The following SLFN12L variants were observed in gnomAD, a reference collection of about 807,000 sequenced individuals.
SLFN12L encodes schlafen family member 12 like, also known as schlafen family member 12-like.
In SLFN12L, 34 loss-of-function variants were observed where a neutral mutation model predicts 34.8. The observed-to-expected ratio is 0.98, with a 90% CI of 0.74 to 1.30. The LOEUF (loss-of-function observed/expected upper bound fraction) is 1.30. Among genes scored for constraint, SLFN12L ranks in the 50% most tolerant of loss-of-function variants. The probability of loss-of-function intolerance (pLI) is 0.00; values close to 1 mark genes in which losing one functional copy is unlikely to be tolerated. For missense variants in SLFN12L, 703 were observed against 696.2 expected (o/e 1.01, Z -0.11); for synonymous variants, 259 against 247.5 (o/e 1.05, Z -0.44).
rs2072396896 is a variant in SLFN12L, at chr17:35,530,509, AAAG to A, written c.-606+7061_-606+7063del. Among the ~76,000 whole-genome samples, 14 of 23,968 alleles carry A rather than the reference AAAG, an allele frequency of 5.8e-4. 1 individual carries two copies. The highest frequency in any genetic ancestry group is 1.3e-3 in the Non-Finnish European group (12 of 9,348). 15.7% of individuals were successfully genotyped at this position (23,968 alleles called of 152,430 possible). A position where few individuals can be genotyped will look rare whatever the true frequency, so the allele number is the denominator to read the frequency against. On this transcript the variant is annotated intron_variant, in intron 1 of 4. Transcript: ENST00000628453. ...GAAAGAAAGAAAGAAAGAAAGAAAG[AAAG>A]AAAAGAAAAGAAAAGAAAAGAAAAG...
At chr17:35,524,687 A>G (rs921792879) in intron 1 of SLFN12L, among the ~76,000 whole-genome samples, 5 of 152,226 alleles carry the variant, frequency 3.3e-5, no homozygotes, top group Non-Finnish European at 5.9e-5. Flanking sequence ...ATCCACTCAG[A>G]GACCCCATCT....
At chr17:35,507,465 A>G (rs1401728100) in intron 2 of SLFN12L, among the ~76,000 whole-genome samples, 1 of 152,208 alleles carries the variant, frequency 6.6e-6, no homozygotes, top group Admixed American at 6.5e-5. Context: ...ATCAAAATAG[A>G]TTGGCTCTTG....
intron 2 of SLFN12L, among the ~76,000 whole-genome samples, chr17:35,493,975 C>A (rs920880561): frequency 2.0e-5 from 3 of 151,864 alleles, no homozygotes; most frequent in South Asian, 2.1e-4. Flanking sequence ...AAAGCTTAAG[C>A]TTTCGGGAAA....
intron 2 of SLFN12L, among the ~76,000 whole-genome samples, chr17:35,487,446 C>T (rs2142136901): frequency 6.6e-6 from 1 of 152,250 alleles, no homozygotes; most frequent in South Asian, 2.1e-4. Context: ...GGCAGCGCCC[C>T]ACCTCGTCCC....
At chr17:35,504,970 G>A (rs962236987) in intron 2 of SLFN12L, among the ~76,000 whole-genome samples, 1 of 152,130 alleles carries the variant, frequency 6.6e-6, no homozygotes, top group African/African-American at 2.4e-5. Context: ...TCATCAACCA[G>A]AGGGAGGAAA....
chr17:35,523,502 G>A (rs559454086), intron 1 of SLFN12L, among the ~76,000 whole-genome samples: 1 of 152,312 alleles, frequency 6.6e-6, no homozygotes, highest in South Asian at 2.1e-4. Flanking sequence ...GACCCTTGAA[G>A]CTATCTCTCC....
chr17:35,509,476 A>G (rs996208569), intron 2 of SLFN12L, among the ~76,000 whole-genome samples: 1 of 152,002 alleles, frequency 6.6e-6, no homozygotes, highest in Admixed American at 6.6e-5. Flanking sequence ...CCTGTGTGGG[A>G]TTTCTGCATG....
intron 1 of SLFN12L, among the ~76,000 whole-genome samples, chr17:35,528,257 T>C (rs2072357500): frequency 6.6e-6 from 1 of 152,142 alleles, no homozygotes. Context: ...ATCAATATTG[T>C]GAAAATGGCC....
rs1913732284 is a variant in SLFN12L, at chr17:35,467,404, A to G, written c.*7519T>C. 6.6e-6 allele frequency among the ~76,000 whole-genome samples: 1 copy of G among 152,202 alleles called. No individual in the cohort carries two copies. Among genetic ancestry groups the G allele is most frequent in the Non-Finnish European group, 1.5e-5 (1 of 68,032 alleles). On this transcript the variant is annotated 3_prime_UTR_variant, in exon 5 of 5. Coordinates refer to ENST00000628453, the MANE Select transcript of SLFN12L (RefSeq NM_001363830.2). ...CTTAGATACCCAAAATCACGTGTCT[A>G]TGTATATTAAGGCCACCATATGAGG...
chr17:35,532,833 C>T (rs1167736209), intron 1 of SLFN12L, among the ~76,000 whole-genome samples: 1 of 152,116 alleles, frequency 6.6e-6, no homozygotes, highest in Non-Finnish European at 1.5e-5. Context: ...GCAGAGGTTG[C>T]AGTGAACAAA....
chr17:35,511,528 G>A (rs951931650), intron 2 of SLFN12L, among the ~76,000 whole-genome samples: 8 of 151,968 alleles, frequency 5.3e-5, no homozygotes, highest in East Asian at 3.9e-4. Context: ...TTAAGCCCAG[G>A]AGTTAGAGAC....
At chr17:35,499,237 T>C in intron 2 of SLFN12L, 1 of 890,910 alleles carries the variant, frequency 1.1e-6, no homozygotes, top group Non-Finnish European at 1.6e-6. Context: ...AGAATGTCCT[T>C]ACCAAACACG....
chr17:35,476,884 A>G (rs1047151836), intron 4 of SLFN12L, among the ~76,000 whole-genome samples: 3 of 152,222 alleles, frequency 2.0e-5, no homozygotes, highest in Non-Finnish European at 4.4e-5. Context: ...ATTAAGAGAC[A>G]GGATAAAAAT....
At chr17:35,496,022 G>A (rs1389465058) in intron 2 of SLFN12L, among the ~76,000 whole-genome samples, 1 of 151,862 alleles carries the variant, frequency 6.6e-6, no homozygotes, top group East Asian at 1.9e-4. Flanking sequence ...AACCGAGACC[G>A]ATGCTGAGGT....
chr17:35,503,956 A>G (rs536561162), intron 2 of SLFN12L, among the ~76,000 whole-genome samples: 6 of 152,300 alleles, frequency 3.9e-5, no homozygotes, highest in Admixed American at 1.3e-4. Context: ...TGTGGGCCAC[A>G]GTCCCAGGAG....
At chr17:35,477,354 C>T (rs765908578) in intron 4 of SLFN12L, among the ~76,000 whole-genome samples, 3 of 152,116 alleles carry the variant, frequency 2.0e-5, no homozygotes, top group Non-Finnish European at 4.4e-5. Flanking sequence ...ATCTTTATAA[C>T]CCCGGGGTAG....
At chr17:35,507,900 A>AG (rs923704632) in intron 2 of SLFN12L, among the ~76,000 whole-genome samples, 17 of 152,336 alleles carry the variant, frequency 1.1e-4, no homozygotes, top group Middle Eastern at 3.4e-3. Flanking sequence ...ATTCTCAAAG[A>AG]GGGGGAATAA....
chr17:35,522,321 A>G lies in SLFN12L; in HGVS notation c.44T>C (p.Ile15Thr). The change falls in exon 2 of 5, where the codon ATT (isoleucine) becomes ACT (threonine). Residue 15 changes from isoleucine (I) to threonine (T), a missense_variant. Ile to Thr is a moderately conservative substitution (Grantham distance 89). Transcript: ENST00000628453. ...RNVFHCEAHR[I>T]LYICESQFLR... is the part of the protein sequence containing the mutation. ...AAACTGACTTTCACAAATGTAGAGA[A>G]TTCTGTGTGCCTCACAGTGAAACAC... 1.2e-6 allele frequency: 2 copies of G among 1,614,228 alleles called. No individual in the cohort carries two copies. Among genetic ancestry groups the G allele is most frequent in the Non-Finnish European group, 1.7e-6 (2 of 1,180,028 alleles).
At chr17:35,519,149 G>A (rs1915925728) in intron 2 of SLFN12L, among the ~76,000 whole-genome samples, 1 of 152,058 alleles carries the variant, frequency 6.6e-6, no homozygotes, top group Non-Finnish European at 1.5e-5. Flanking sequence ...AAGAACACAC[G>A]GACACACAAA....
Sources: gnomAD v4.1 joint callset for allele counts (sites outside exome capture counted in the v4.1 genomes callset) on GRCh38, gnomAD v4.1.1 for gene constraint, MANE v1.5 for transcripts, NCBI Gene and HGNC (gene_info 2026-07-23, HGNC 2026-07-21) for gene names.